Variants in KAZN observed in about 807,000 individuals in gnomAD.
KAZN encodes the protein kazrin, periplakin interacting protein.
A neutral mutation model predicts 87.4 loss-of-function variants in KAZN; 40 were observed. The observed-to-expected ratio is 0.46, with a 90% CI of 0.36 to 0.60. KAZN has a LOEUF of 0.60. KAZN is among the 20% of genes least tolerant of loss of function. KAZN has a pLI of 0.00. For synonymous variants in KAZN, 466 were observed against 458.3 expected (o/e 1.02, Z -0.22); for missense variants, 898 against 1,073.9 (o/e 0.84, Z 2.29).
chr1:14,846,465 G>T (rs971238717), intron 1 of KAZN, among the ~76,000 whole-genome samples: 29 of 152,074 alleles, frequency 1.9e-4, no homozygotes, highest in African/African-American at 6.3e-4. Context: ...CACAAATCAT[G>T]TCACTGGTTG....
At chr1:14,181,725 G>A (rs563354614) in intron 2 of KAZN, among the ~76,000 whole-genome samples, 1 of 152,228 alleles carries the variant, frequency 6.6e-6, no homozygotes, top group South Asian at 2.1e-4. Context: ...AAAAAGGAAG[G>A]ATTCTGAAGC....
chr1:14,130,932 T>C (rs1240536175), intron 1 of KAZN, among the ~76,000 whole-genome samples: 1 of 152,120 alleles, frequency 6.6e-6, no homozygotes, highest in Non-Finnish European at 1.5e-5. Context: ...GCAAGCAGTG[T>C]GTATTAGTCC....
At chr1:14,180,474 A>G in exon 2 of KAZN, 5 of 1,550,252 alleles carry the variant, frequency 3.2e-6, no homozygotes, top group Non-Finnish European at 4.4e-6. Context: ...CAGATTTCCC[A>G]TTTTATTGTC....
intron 13 of KAZN, 83 bp from the exon 14 acceptor site, chr1:15,112,331 GTGTGTGTGTGTGT>G: frequency 5.0e-4 from 1 of 2,010 alleles, no homozygotes. Context: ...TGTCACCAAT[GTGTGTGTGTGTGT>G]GTGTGTGTGT....
At chr1:14,117,461 A>G (rs1644650383) in intron 1 of KAZN, among the ~76,000 whole-genome samples, 1 of 152,130 alleles carries the variant, frequency 6.6e-6, no homozygotes, top group South Asian at 2.1e-4. Flanking sequence ...ACCCAGCTAC[A>G]CTGAAGTGTA....
intron 2 of KAZN, among the ~76,000 whole-genome samples, chr1:14,388,166 C>T (rs1196853038): frequency 1.3e-5 from 2 of 152,208 alleles, no homozygotes; most frequent in African/African-American, 4.8e-5. Flanking sequence ...CCTCGCCCTG[C>T]TTCGGCTGGC....
At chr1:15,070,833 C>A (rs1038420713) in intron 8 of KAZN, among the ~76,000 whole-genome samples, 1 of 152,064 alleles carries the variant, frequency 6.6e-6, no homozygotes, top group Non-Finnish European at 1.5e-5. Flanking sequence ...AGAGTGAGAC[C>A]CTGTCTATTA....
At chr1:14,884,804 G>A (rs981677842) in intron 1 of KAZN, among the ~76,000 whole-genome samples, 8 of 152,202 alleles carry the variant, frequency 5.3e-5, no homozygotes, top group Non-Finnish European at 4.4e-5. Flanking sequence ...CCATCCTCTC[G>A]CCTTCCCCCA....
chr1:14,372,949 G>A (rs1660620267), intron 2 of KAZN, among the ~76,000 whole-genome samples: 1 of 152,124 alleles, frequency 6.6e-6, no homozygotes, highest in Non-Finnish European at 1.5e-5. Context: ...AGGGGATAGA[G>A]ATAGAAACTA....
chr1:14,669,292 T>A (rs928041347), intron 1 of KAZN, among the ~76,000 whole-genome samples: 1 of 152,164 alleles, frequency 6.6e-6, no homozygotes, highest in East Asian at 1.9e-4. Context: ...TGCTCTGGGT[T>A]GCTATTAGGA....
At chr1:14,328,215 A>G (rs1236801533) in intron 2 of KAZN, among the ~76,000 whole-genome samples, 3 of 152,088 alleles carry the variant, frequency 2.0e-5, no homozygotes, top group African/African-American at 7.2e-5. Context: ...TCTCCTACCA[A>G]TCTCAGTTTC....
At chr1:14,778,446 A>G (rs1645242043) in intron 1 of KAZN, among the ~76,000 whole-genome samples, 1 of 151,492 alleles carries the variant, frequency 6.6e-6, no homozygotes, top group African/African-American at 2.4e-5. Flanking sequence ...GAGGAAGGGG[A>G]CATCATGAGG....
chr1:14,301,283 CGGT>C, intron 2 of KAZN, among the ~76,000 whole-genome samples: 1 of 152,198 alleles, frequency 6.6e-6, no homozygotes, highest in Non-Finnish European at 1.5e-5. Flanking sequence ...GAGTCAGACA[CGGT>C]AGAGGAGAGT....
At chr1:14,466,666 A>G (rs1328785113) in intron 2 of KAZN, among the ~76,000 whole-genome samples, 1 of 138,986 alleles carries the variant, frequency 7.2e-6, no homozygotes, top group Non-Finnish European at 1.6e-5. Flanking sequence ...AATTTAAAAA[A>G]AAAAAAAAAG....
intron 1 of KAZN, among the ~76,000 whole-genome samples, chr1:14,793,994 CA>C (rs1645757934): frequency 6.6e-6 from 1 of 152,164 alleles, no homozygotes; most frequent in Non-Finnish European, 1.5e-5. Flanking sequence ...TCAGGGTAAT[CA>C]AAAGTAACAC....
intron 3 of KAZN, among the ~76,000 whole-genome samples, chr1:15,039,007 A>C (rs10927648): frequency 0.21 from 28,712 of 134,936 alleles, 3,051 homozygotes; most frequent in Non-Finnish European, 0.24. Flanking sequence ...CATGAATGTG[A>C]TATTACCAGT....
intron 1 of KAZN, among the ~76,000 whole-genome samples, chr1:14,661,417 G>A (rs548454714): frequency 1.1e-4 from 16 of 152,176 alleles, no homozygotes; most frequent in African/African-American, 3.1e-4. Flanking sequence ...TCTCCACAAT[G>A]GGCCAGATAG....
chr1:14,209,146 C>T (rs496143), intron 2 of KAZN, among the ~76,000 whole-genome samples: 69,388 of 152,094 alleles, frequency 0.46, 17,280 homozygotes, highest in Non-Finnish European at 0.56. Context: ...GCCGAGTAGC[C>T]GTGGTTACCC....
chr1:14,405,538 CTGTG>C (rs912354109), intron 2 of KAZN, among the ~76,000 whole-genome samples: 2 of 151,576 alleles, frequency 1.3e-5, no homozygotes, highest in Non-Finnish European at 1.5e-5. Context: ...CACTTCCTAG[CTGTG>C]TGTCATTTGG....
Sources: gnomAD v4.1 joint callset for allele counts (sites outside exome capture counted in the v4.1 genomes callset) on GRCh38, gnomAD v4.1.1 for gene constraint, MANE v1.5 for transcripts, NCBI Gene and HGNC (gene_info 2026-07-23, HGNC 2026-07-21) for gene names.